Variants in MMP26 observed in about 807,000 individuals in gnomAD.
MMP26 encodes matrix metallopeptidase 26.
Under a neutral mutation model 31.0 loss-of-function variants are expected in MMP26, and 33 were observed. That is an observed-to-expected ratio of 1.06 (90% CI 0.81 to 1.42). The LOEUF is 1.42. Among genes scored for constraint, MMP26 ranks in the 40% most tolerant of loss-of-function variants. The pLI is 0.00. For synonymous variants in MMP26, 122 were observed against 114.9 expected, an observed-to-expected ratio of 1.06 and a Z score of -0.40; for missense variants, 347 against 316.1, an observed-to-expected ratio of 1.10 and a Z score of -0.74.
At chr11:4,988,488 T>A (rs1028638906) in intron 3 of MMP26, among the ~76,000 whole-genome samples, 178 bp downstream of exon 3, 1 of 152,138 alleles carries the variant, frequency 6.6e-6, no homozygotes, top group Non-Finnish European at 1.5e-5. Context: ...AAGAAAAAAA[T>A]TAATTTTTTG....
At position 4,947,124 on chromosome 11, in the gene MMP26, T is replaced by C. The variant is rs747507510; in HGVS notation, c.-144-40944T>C. ...ATGATTCATTCATAGGGCTCTGCTA[T>C]GAAAAATACAGATGCTTGTGTTGGT... On this transcript the variant is annotated intron_variant, in intron 2 of 7. Coordinates refer to ENST00000380390, the MANE Select transcript of MMP26 (RefSeq NM_021801.5). The C allele has an allele frequency of 3.7e-5, 45 of 1,208,886 alleles. 9 individuals are homozygous for C. The Middle Eastern group carries it at 6.2e-4, about 17-fold the overall frequency. 74.9% of individuals were successfully genotyped at this position (1,208,886 alleles called of 1,614,324 possible).
intron 2 of MMP26, among the ~76,000 whole-genome samples, chr11:4,865,167 A>T (rs549788108): frequency 6.6e-6 from 1 of 152,190 alleles, no homozygotes; most frequent in African/African-American, 2.4e-5. Context: ...TTTCTTTATT[A>T]ATAAAATTAT....
intron 1 of MMP26, among the ~76,000 whole-genome samples, chr11:4,741,038 A>T (rs1311366597): frequency 6.6e-6 from 1 of 152,130 alleles, no homozygotes; most frequent in African/African-American, 2.4e-5. Context: ...TAGGGATTTT[A>T]TGGCTTTGGG....
At chr11:4,748,403 CA>C in intron 1 of MMP26, among the ~76,000 whole-genome samples, 1 of 151,858 alleles carries the variant, frequency 6.6e-6, no homozygotes, top group South Asian at 2.1e-4. Context: ...AAAACTGTTC[CA>C]AAAAATCAAG....
At chr11:4,923,818 A>G (rs1307251257) in intron 2 of MMP26, 9 of 1,614,042 alleles carry the variant, frequency 5.6e-6, no homozygotes, top group Non-Finnish European at 6.8e-6. Context: ...GAGCCAGCAC[A>G]TGGGAGTGGC....
intron 2 of MMP26, among the ~76,000 whole-genome samples, chr11:4,900,594 T>C (rs148939204): frequency 2.2e-4 from 33 of 152,324 alleles, no homozygotes; most frequent in South Asian, 2.1e-3. Flanking sequence ...TATCAGAATC[T>C]AGCTGATATA....
intron 2 of MMP26, among the ~76,000 whole-genome samples, chr11:4,847,206 A>T (rs1303326222): frequency 6.6e-6 from 1 of 152,226 alleles, no homozygotes; most frequent in African/African-American, 2.4e-5. Flanking sequence ...GGCCAGAGAA[A>T]ATTATGTGTC....
intron 2 of MMP26, chr11:4,914,667 T>G (rs1851045456): frequency 8.2e-7 from 1 of 1,226,076 alleles, no homozygotes. Flanking sequence ...TTATAAAGGA[T>G]AGGCAAACAA....
At position 4,890,979 on chromosome 11, in the gene MMP26, G is replaced by GAATAATAATAATAAT. The variant is rs71050436; in HGVS notation, c.-144-97056_-144-97042dup. ...CCTTCCCTGATCTGGAATGAACTCAGAATAATAATAATAATAATAATAATA... is the reference window on the plus strand; with the variant it reads ...CCTTCCCTGATCTGGAATGAACTCAGAATAATAATAATAATAATAATAATAATAATAATAATAATA... On this transcript the variant is annotated intron_variant, in intron 2 of 7. Coordinates refer to ENST00000380390, the MANE Select transcript of MMP26 (RefSeq NM_021801.5). Among the ~76,000 whole-genome samples, 307 of 137,110 alleles carry GAATAATAATAATAAT rather than the reference G, an allele frequency of 2.2e-3. 1 individual carries two copies. Among genetic ancestry groups the GAATAATAATAATAAT allele is most frequent in the Middle Eastern group, 3.7e-3 (1 of 268 alleles). The allele number at this position is 137,110 out of a possible 152,430, so 89.9% of individuals were successfully genotyped here. A position where few individuals can be genotyped will look rare whatever the true frequency, so the allele number is the denominator to read the frequency against.
At chr11:4,713,908 A>G (rs1392775633) in intron 1 of MMP26, among the ~76,000 whole-genome samples, 1 of 152,124 alleles carries the variant, frequency 6.6e-6, no homozygotes, top group Non-Finnish European at 1.5e-5. Context: ...ACTATAAAAG[A>G]ACATGAAGTA....
intron 2 of MMP26, among the ~76,000 whole-genome samples, chr11:4,796,699 A>G (rs1174790232): frequency 6.6e-6 from 1 of 152,124 alleles, no homozygotes; most frequent in Non-Finnish European, 1.5e-5. Context: ...TGGGCAGGGA[A>G]GGGTGGGAAT....
chr11:4,797,352 T>C (rs973366071), intron 2 of MMP26, among the ~76,000 whole-genome samples: 2 of 152,204 alleles, frequency 1.3e-5, no homozygotes, highest in African/African-American at 4.8e-5. Context: ...ACATCCCAGT[T>C]GGCCCACAGC....
chr11:4,729,493 C>T (rs1179712834), intron 1 of MMP26, among the ~76,000 whole-genome samples: 1 of 152,144 alleles, frequency 6.6e-6, no homozygotes, highest in Non-Finnish European at 1.5e-5. Context: ...CTCCTTGCCT[C>T]ACCTTCAGAC....
intron 2 of MMP26, among the ~76,000 whole-genome samples, chr11:4,812,286 A>G (rs1489166813): frequency 1.3e-5 from 2 of 152,152 alleles, no homozygotes; most frequent in Non-Finnish European, 2.9e-5. Flanking sequence ...ATAATATGTA[A>G]CATAAATATT....
intron 1 of MMP26, among the ~76,000 whole-genome samples, chr11:4,713,685 A>C (rs1397129439): frequency 2.0e-5 from 3 of 152,158 alleles, no homozygotes; most frequent in Non-Finnish European, 4.4e-5. Flanking sequence ...CATAGAGTGA[A>C]GCACAAGCAG....
chr11:4,916,081 G>A (rs1156998957), intron 2 of MMP26, among the ~76,000 whole-genome samples: 1 of 152,060 alleles, frequency 6.6e-6, no homozygotes, highest in Non-Finnish European at 1.5e-5. Context: ...CACTTTGGGA[G>A]GCCGAGGCGG....
rs185516130 is a variant in MMP26 at position 4,709,971 on chromosome 11, G to A, written c.-217+4926G>A. The A allele has an allele frequency of 2.7e-3, 1,238 of 456,848 alleles. 6 individuals are homozygous for A. Among genetic ancestry groups the A allele is most frequent in the Non-Finnish European group, 3.6e-3 (808 of 226,972 alleles). The allele number at this position is 456,848 out of a possible 1,614,324, so 28.3% of individuals were successfully genotyped here. ...TGCCGTCTGTAACCCACTGAGATATGCCACAATCTTAACCAATTCACGGAT... is the reference window on the plus strand; with the variant it reads ...TGCCGTCTGTAACCCACTGAGATATACCACAATCTTAACCAATTCACGGAT... On this transcript the variant is annotated intron_variant, in intron 1 of 7. Transcript: ENST00000380390.
intron 2 of MMP26, among the ~76,000 whole-genome samples, chr11:4,897,165 G>A (rs1319836648): frequency 6.6e-6 from 1 of 151,794 alleles, no homozygotes; most frequent in Non-Finnish European, 1.5e-5. Flanking sequence ...TTTTTGGATG[G>A]AGTCTCACTC....
intron 2 of MMP26, among the ~76,000 whole-genome samples, chr11:4,939,681 T>C (rs74052649): frequency 1.3e-3 from 198 of 152,258 alleles, no homozygotes; most frequent in African/African-American, 4.4e-3. Flanking sequence ...TTAGTGCTTA[T>C]GGGGTCTATT....
Sources: gnomAD v4.1 joint callset for allele counts (sites outside exome capture counted in the v4.1 genomes callset) on GRCh38, gnomAD v4.1.1 for gene constraint, MANE v1.5 for transcripts, NCBI Gene and HGNC (gene_info 2026-07-23, HGNC 2026-07-21) for gene names.